THG1L: variants seen among roughly 807,000 people sequenced by gnomAD.
THG1L encodes probable tRNA(His) guanylyltransferase.
A neutral mutation model predicts 35.2 loss-of-function variants in THG1L; 27 were observed. The observed-to-expected ratio is 0.77, with a 90% confidence interval of 0.57 to 1.06. THG1L has a LOEUF of 1.06. Among genes scored for constraint, THG1L ranks in the 50% least tolerant of loss-of-function variants. The pLI is 0.00. For missense variants in THG1L, 377 were observed against 371.8 expected (o/e 1.01, Z -0.12); for synonymous variants, 135 against 132.4 (o/e 1.02, Z -0.14).
chr5:157,739,369 G>A lies in THG1L; in HGVS notation c.784G>A (p.Gly262Arg), dbSNP rs1479426812. Residue 262 changes from glycine to arginine, a missense_variant, in exon 6 of 6, where the codon GGA (glycine) becomes AGA (arginine). Physicochemically the swap from Gly to Arg is moderately radical, Grantham distance 125 (BLOSUM62 -2). Coordinates refer to ENST00000231198, the MANE Select transcript of THG1L (RefSeq NM_017872.5). ...KEIKLPTEMEGKKMAVTRTRT... is the reference protein window; with the variant it reads ...KEIKLPTEMERKKMAVTRTRT... ...AATTAAGCTGCCAACAGAAATGGAA[G>A]GAAAAAAGATGGCAGTGACCCGGAC... 3 of 1,613,600 alleles carry A rather than the reference G, an allele frequency of 1.9e-6. No homozygotes were observed. The highest frequency in any genetic ancestry group is 3.3e-5 in the Admixed American group (2 of 59,950).
chr5:157,732,215 C>CAAAAAAAAAAAA (rs34744387), intron 1 of THG1L, among the ~76,000 whole-genome samples: 25 of 53,892 alleles, frequency 4.6e-4, no homozygotes, highest in Non-Finnish European at 6.4e-4. Flanking sequence ...TCCGCCACTA[C>CAAAAAAAAAAAA]AAAAAAAAAA....
rs2270817 is a variant in THG1L at position 157,731,545 on chromosome 5, C to T, written c.105C>T (p.Phe35=). ...RLGATMAKSK[F]EYVRDFEADD... ...GGGCGACCATGGCAAAAAGCAAGTT[C>T]GAGTACGTGAGGGACTTCGAGGCTG... The change falls in exon 1 of 6, where the codon TTC becomes TTT. Residue 35 remains phenylalanine (F), a synonymous_variant. Transcript: ENST00000231198. 0.046 allele frequency: 73,790 copies of T among 1,612,320 alleles called. 2,646 individuals carry two copies. Among genetic ancestry groups the T allele is most frequent in the African/African-American group, 0.18 (13,276 of 74,920 alleles).
intron 1 of THG1L, among the ~76,000 whole-genome samples, chr5:157,731,905 G>T (rs1246208458): frequency 6.6e-6 from 1 of 152,180 alleles, no homozygotes; most frequent in Non-Finnish European, 1.5e-5. Context: ...TGTTAGCAAG[G>T]ACCTGTTGTT....
chr5:157,732,215 CAAAAAAAAAAAAAAAAA>C (rs34744387), intron 1 of THG1L, among the ~76,000 whole-genome samples: 6 of 53,892 alleles, frequency 1.1e-4, no homozygotes, highest in African/African-American at 4.6e-4. Context: ...TCCGCCACTA[CAAAAAAAAAAAAAAAAA>C]AAAAAAAAAA....
intron 2 of THG1L, among the ~76,000 whole-genome samples, chr5:157,734,297 A>C (rs190509808): frequency 6.6e-6 from 1 of 152,316 alleles, no homozygotes; most frequent in East Asian, 1.9e-4. Flanking sequence ...CTGAGGCAGG[A>C]GAATCACTTG....
chr5:157,737,839 GAGAA>G, intron 4 of THG1L, 44 bp from the exon 5 acceptor site: 1 of 1,481,520 alleles, frequency 6.7e-7, no homozygotes, highest in Non-Finnish European at 9.3e-7. Flanking sequence ...AGCACTAGGG[GAGAA>G]AGAAGACATG....
rs140440297 is a variant in THG1L at position 157,733,468 on chromosome 5, A to G, written c.368+424A>G. ...AGTATTTTGAAACGCTGTATGGGAA[A>G]CAAATCATATAATGAATTGGTTTTT... is the stretch of plus-strand genomic sequence containing the variant. On this transcript the variant is annotated intron_variant, in intron 2 of 5. Transcript: ENST00000231198. 2.5e-3 allele frequency among the ~76,000 whole-genome samples: 383 copies of G among 152,250 alleles called. 2 individuals are homozygous for G. The highest frequency in any genetic ancestry group is 8.8e-3 in the African/African-American group (364 of 41,562).
In THG1L at chr5:157,731,474, T is replaced by C. The variant is rs781452232; in HGVS notation, c.34T>C (p.Ser12Pro). The change falls in exon 1 of 6, where the codon TCC becomes CCC. Residue 12 changes from serine (S) to proline (P), a missense_variant. Coordinates refer to ENST00000231198, the MANE Select transcript of THG1L (RefSeq NM_017872.5). ...CGCCTGTAAAGTTAAGGTTCACGAT[T>C]CCTTGGCCACCATTTCCATCACTCT... ...WGACKVKVHD[S>P]LATISITLRR... 6.2e-7 allele frequency: 1 copy of C among 1,610,242 alleles called. No homozygotes were observed. The highest frequency in any genetic ancestry group is 8.5e-7 in the Non-Finnish European group (1 of 1,178,000).
Position 157,734,582 on chromosome 5 carries a change from C to A in THG1L, c.375C>A (p.Phe125Leu), listed in dbSNP as rs377283892. Reference sequence around the variant, plus strand: ...TGTGCGTTACATTTTCAAGTAAGTTCATGACTCACGTGGCCTCCCAGTTTG... The same window carrying A: ...TGTGCGTTACATTTTCAAGTAAGTTAATGACTCACGTGGCCTCCCAGTTTG... ...TNWFKRRASKFMTHVASQFAS... is the reference protein window; with the variant it reads ...TNWFKRRASKLMTHVASQFAS... Residue 125 changes from phenylalanine (F) to leucine (L), a missense_variant, in exon 3 of 6, where the codon TTC (phenylalanine) becomes TTA (leucine). Transcript: ENST00000231198. 25 of 1,613,976 alleles carry A rather than the reference C, an allele frequency of 1.5e-5. No individual in the cohort carries two copies. The highest frequency in any genetic ancestry group is 1.9e-5 in the Non-Finnish European group (23 of 1,180,022).
At chr5:157,732,461 G>C (rs932620982) in intron 1 of THG1L, among the ~76,000 whole-genome samples, 2 of 151,832 alleles carry the variant, frequency 1.3e-5, no homozygotes, top group East Asian at 3.9e-4. Context: ...AAAAGAGGGA[G>C]GGGGAGAAAG....
chr5:157,734,932 T>C (rs1760832367), intron 3 of THG1L, among the ~76,000 whole-genome samples, 187 bp downstream of exon 3: 1 of 152,026 alleles, frequency 6.6e-6, no homozygotes, highest in Admixed American at 6.6e-5. Flanking sequence ...AAAAACTCCT[T>C]ATCTCTATTT....
At chr5:157,738,805 T>C (rs1367846239) in intron 5 of THG1L, 2 of 273,122 alleles carry the variant, frequency 7.3e-6, no homozygotes. Flanking sequence ...TTCCTAAGAT[T>C]GCTTCAGAAT....
At chr5:157,734,217 A>G (rs1456301073) in intron 2 of THG1L, among the ~76,000 whole-genome samples, 3 of 151,966 alleles carry the variant, frequency 2.0e-5, no homozygotes, top group East Asian at 1.9e-4. Flanking sequence ...GTGAAACCCC[A>G]TCTCTACTGA....
chr5:157,734,828 C>T (rs1172979362), intron 3 of THG1L, 83 bp downstream of exon 3: 1 of 1,504,154 alleles, frequency 6.6e-7, no homozygotes. Context: ...GATTGGCTCA[C>T]ATATACTTTG....
intron 3 of THG1L, among the ~76,000 whole-genome samples, chr5:157,735,356 T>C (rs1251186858): frequency 6.6e-6 from 1 of 151,982 alleles, no homozygotes; most frequent in Non-Finnish European, 1.5e-5. Context: ...CACACACAAA[T>C]GCCAGTGTGC....
chr5:157,736,259 T>C (rs1192697608), intron 4 of THG1L, among the ~76,000 whole-genome samples: 1 of 151,860 alleles, frequency 6.6e-6, no homozygotes, highest in Non-Finnish European at 1.5e-5. Flanking sequence ...GACTTTTTTT[T>C]TTTTTTTTGA....
At chr5:157,735,306 A>G (rs1021010683) in intron 3 of THG1L, among the ~76,000 whole-genome samples, 63 of 152,032 alleles carry the variant, frequency 4.1e-4, no homozygotes, top group African/African-American at 1.5e-3. Flanking sequence ...TTAGTACTAG[A>G]CAAAGCCTGT....
Position 157,740,231 on chromosome 5 carries a change from G to A in THG1L, c.*749G>A, listed in dbSNP as rs1033988002. 6.6e-6 allele frequency: 1 copy of A among 152,222 alleles called. No homozygotes were observed. The highest frequency in any genetic ancestry group is 2.4e-5 in the African/African-American group (1 of 41,448). The allele number at this position is 152,222 out of a possible 1,614,324, so 9.4% of individuals were successfully genotyped here. On this transcript the variant is annotated 3_prime_UTR_variant, in exon 6 of 6. Coordinates refer to ENST00000231198, the MANE Select transcript of THG1L (RefSeq NM_017872.5). Reference sequence around the variant, plus strand: ...GAAAGAAACAAGAATGCGTGAATGAGGATGAAGAAACATTTACCCCATGTA... The same window carrying A: ...GAAAGAAACAAGAATGCGTGAATGAAGATGAAGAAACATTTACCCCATGTA...
chr5:157,738,710 G>C, intron 5 of THG1L: 1 of 389,848 alleles, frequency 2.6e-6, no homozygotes, highest in Non-Finnish European at 4.9e-6. Context: ...GTACAGACTT[G>C]GATACTTCTT....
Sources: allele counts gnomAD v4.1 joint callset (sites outside exome capture counted in the v4.1 genomes callset), GRCh38; gene constraint gnomAD v4.1.1; transcripts MANE v1.5; gene names NCBI Gene and HGNC (gene_info 2026-07-23, HGNC 2026-07-21).